HMGB1: variants seen among roughly 807,000 people sequenced by gnomAD.
The protein encoded by HMGB1 is high mobility group box 1.
For missense variants in HMGB1, 79 were observed against 253.5 expected, an observed-to-expected ratio of 0.31 and a Z score of 4.67; for synonymous variants, 81 against 84.0, an observed-to-expected ratio of 0.96 and a Z score of 0.19.
At chr13:30,562,835 T>C (rs1044210137) in intron 1 of HMGB1, among the ~76,000 whole-genome samples, 1 of 152,192 alleles carries the variant, frequency 6.6e-6, no homozygotes, top group Non-Finnish European at 1.5e-5. Flanking sequence ...GGGGAAAGAT[T>C]CTGGTTTCCT....
intron 1 of HMGB1, among the ~76,000 whole-genome samples, chr13:30,580,512 G>C (rs915818184): frequency 3.9e-5 from 6 of 152,102 alleles, no homozygotes; most frequent in African/African-American, 1.4e-4. Context: ...ATTCACAGGA[G>C]AGCAATTTAC....
intron 1 of HMGB1, chr13:30,465,193 G>GGCGGCC (rs1555232499): frequency 1.3e-6 from 1 of 777,662 alleles, no homozygotes; most frequent in Admixed American, 7.2e-5. Flanking sequence ...CCCGCCGCCC[G>GGCGGCC]GCCGCCGCCG....
In HMGB1 at chr13:30,565,516, T is replaced by C. The variant is rs1245149345; in HGVS notation, c.-15+51155A>G. Reference sequence around the variant, plus strand: ...GCCCAAACTGCCTAAATATTTCCTGTCACTTCATAATACTGCCTGAAATCC... The same window carrying C: ...GCCCAAACTGCCTAAATATTTCCTGCCACTTCATAATACTGCCTGAAATCC... On this transcript the variant is annotated intron_variant, in intron 1 of 4. Transcript: ENST00000405805. Among the ~76,000 whole-genome samples the C allele has an allele frequency of 2.6e-5, 4 of 152,232 alleles. No homozygotes were observed. In the East Asian group the frequency reaches 7.7e-4, roughly 29 times the overall value.
chr13:30,553,717 A>G (rs1869539766), intron 1 of HMGB1: 4 of 1,123,342 alleles, frequency 3.6e-6, no homozygotes, highest in Non-Finnish European at 5.4e-6. Flanking sequence ...GATGCTCAGC[A>G]TCGCTGGCAG....
intron 1 of HMGB1, among the ~76,000 whole-genome samples, chr13:30,575,710 T>C (rs1870624465): frequency 6.6e-6 from 1 of 152,096 alleles, no homozygotes. Flanking sequence ...GTATCTAATG[T>C]GGGGTTAGTC....
intron 1 of HMGB1, among the ~76,000 whole-genome samples, chr13:30,597,100 C>T (rs1367462512): frequency 1.3e-5 from 2 of 152,114 alleles, no homozygotes; most frequent in African/African-American, 4.8e-5. Context: ...ATGCCCCTTA[C>T]AAAAGATGCT....
At chr13:30,611,898 TAAG>T (rs1258459130) in intron 1 of HMGB1, among the ~76,000 whole-genome samples, 1 of 146,694 alleles carries the variant, frequency 6.8e-6, no homozygotes, top group Admixed American at 6.7e-5. Flanking sequence ...GCTTTCTCAA[TAAG>T]AAAAGAGTAT....
chr13:30,602,251 C>T (rs907689242), intron 1 of HMGB1, among the ~76,000 whole-genome samples: 6 of 152,168 alleles, frequency 3.9e-5, no homozygotes, highest in Non-Finnish European at 8.8e-5. Context: ...ATCGGGGACA[C>T]CAGCCCCATG....
intron 1 of HMGB1, among the ~76,000 whole-genome samples, chr13:30,616,036 TATATAGGAATA>T (rs1275634525): frequency 1.3e-5 from 2 of 152,200 alleles, no homozygotes; most frequent in Non-Finnish European, 2.9e-5. Flanking sequence ...GCATTTCAAA[TATATAGGAATA>T]ACCAGAAATG....
chr13:30,520,788 A>C (rs1566013658), intron 1 of HMGB1, among the ~76,000 whole-genome samples: 1 of 152,184 alleles, frequency 6.6e-6, no homozygotes, highest in Non-Finnish European at 1.5e-5. Context: ...ATTTCTTAAG[A>C]GAATCCAACA....
rs1480173029 is a variant in HMGB1 at position 30,583,742 on chromosome 13, G to T, written c.-15+32929C>A. 2.6e-5 allele frequency among the ~76,000 whole-genome samples: 4 copies of T among 151,072 alleles called. No individual in the cohort carries two copies. The East Asian group carries it at 7.7e-4, about 29-fold the overall frequency. On this transcript the variant is annotated intron_variant, in intron 1 of 4. Coordinates refer to the HMGB1 transcript ENST00000405805. ...TAGTCTCAGGTACTTGGGAGGCTGA[G>T]GCAGGAGAATTGCTTGAACCCGGGA...
At chr13:30,497,129 T>G (rs1023467887) in intron 1 of HMGB1, among the ~76,000 whole-genome samples, 4 of 151,976 alleles carry the variant, frequency 2.6e-5, no homozygotes, top group Non-Finnish European at 5.9e-5. Flanking sequence ...CACGTTTCAC[T>G]GTAACCAGGA....
chr13:30,463,997 G>A, intron 1 of HMGB1: 1 of 551,894 alleles, frequency 1.8e-6, no homozygotes, highest in Non-Finnish European at 2.4e-6. Flanking sequence ...GTATCTAACT[G>A]GTCACTTAAA....
rs113245105 is a variant in HMGB1, at chr13:30,525,854, T to TGGG, written c.-14-62161_-14-62160insCCC. ...TGGGGATTACAATTCAAGATGAGAT[T>TGGG]GTGGGGGGACACAAAGCCTAACCAT... On this transcript the variant is annotated intron_variant, in intron 1 of 4. Transcript: ENST00000405805. 6.2e-4 allele frequency among the ~76,000 whole-genome samples: 92 copies of TGGG among 149,168 alleles called. 1 individual carries two copies. The highest frequency in any genetic ancestry group is 2.1e-3 in the South Asian group (10 of 4,664).
At chr13:30,504,702 T>C (rs1183854608) in intron 1 of HMGB1, among the ~76,000 whole-genome samples, 2 of 152,038 alleles carry the variant, frequency 1.3e-5, no homozygotes, top group Non-Finnish European at 2.9e-5. Flanking sequence ...GAAAAACAGA[T>C]AAAGGCAAGC....
intron 1 of HMGB1, among the ~76,000 whole-genome samples, chr13:30,585,977 A>G (rs186248798): frequency 1.3e-3 from 194 of 152,266 alleles, no homozygotes; most frequent in African/African-American, 4.5e-3. Context: ...ATCGGTTCTC[A>G]GTACTCTCCA....
chr13:30,584,427 T>A (rs1046662745), intron 1 of HMGB1, among the ~76,000 whole-genome samples: 4 of 152,216 alleles, frequency 2.6e-5, no homozygotes, highest in Non-Finnish European at 5.9e-5. Flanking sequence ...CAATTTATTT[T>A]CTCCATAGTA....
intron 1 of HMGB1, among the ~76,000 whole-genome samples, chr13:30,563,960 T>C (rs1361691082): frequency 6.6e-6 from 1 of 152,208 alleles, no homozygotes; most frequent in Non-Finnish European, 1.5e-5. Flanking sequence ...AAATGGTAAA[T>C]GGGAAACCTA....
In HMGB1 at chr13:30,511,230, C is replaced by T. The variant is rs144430040; in HGVS notation, c.-14-47536G>A. 7.7e-3 allele frequency among the ~76,000 whole-genome samples: 1,167 copies of T among 152,284 alleles called. 36 individuals are homozygous for T. Among genetic ancestry groups the T allele is most frequent in the Non-Finnish European group, 4.7e-3 (323 of 68,020 alleles). On this transcript the variant is annotated intron_variant, in intron 1 of 4. Transcript: ENST00000405805. ...ACAGCCCAGCAGTCACCAAATGATA[C>T]GGTTTGGATATTGCTTCTCTCCAAA...
Sources: allele counts gnomAD v4.1 joint callset (sites outside exome capture counted in the v4.1 genomes callset), GRCh38; gene constraint gnomAD v4.1.1; transcripts MANE v1.5; gene names NCBI Gene and HGNC (gene_info 2026-07-23, HGNC 2026-07-21).